The following SNW1 variants were observed in gnomAD, a reference collection of about 807,000 sequenced individuals.
SNW1 encodes SNW domain-containing protein 1.
SNW1 carries 9 observed loss-of-function variants against 75.6 expected under a neutral mutation model. The ratio of observed to expected loss-of-function variants is 0.12; its 90% confidence interval spans 0.07 to 0.21. The LOEUF is 0.21. SNW1 is among the 10% of genes least tolerant of loss of function. The pLI is 1.00. For synonymous variants in SNW1, 200 were observed against 219.1 expected, an observed-to-expected ratio of 0.91 and a Z score of 0.77; for missense variants, 409 against 670.9, an observed-to-expected ratio of 0.61 and a Z score of 4.31.
At chr14:77,721,697 G>A (rs1338831086) in intron 11 of SNW1, among the ~76,000 whole-genome samples, 1 of 152,076 alleles carries the variant, frequency 6.6e-6, no homozygotes, top group African/African-American at 2.4e-5. Flanking sequence ...GATGAAATAT[G>A]CCAATTAATA....
chr14:77,723,340 CGT>C (rs2080558873), intron 10 of SNW1, 63 bp from the exon 11 acceptor site: 1 of 1,211,154 alleles, frequency 8.3e-7, no homozygotes, highest in Non-Finnish European at 1.2e-6. Flanking sequence ...TACGTGTACA[CGT>C]GTGTATATAT....
At position 77,718,519 on chromosome 14, in the gene SNW1, A is replaced by G. The variant is rs774025816; in HGVS notation, c.1260T>C (p.Ser420=). 6.2e-7 allele frequency: 1 copy of G among 1,609,156 alleles called. No homozygotes were observed. The highest frequency in any genetic ancestry group is 8.5e-7 in the Non-Finnish European group (1 of 1,175,948). ...TTTCATCTTCTCCACCTGCAAATCCACTGTCCATACCCTGTGGAAAAATGG... is the reference window on the plus strand; with the variant it reads ...TTTCATCTTCTCCACCTGCAAATCCGCTGTCCATACCCTGTGGAAAAATGG... ...RLFNQSKGMD[S]GFAGGEDEIY... The change falls in exon 13 of 14, where the codon AGT becomes AGC. Residue 420 remains serine, a synonymous_variant. Coordinates refer to ENST00000261531, the MANE Select transcript of SNW1 (RefSeq NM_012245.3).
At chr14:77,742,692 A>G (rs552347990) in intron 3 of SNW1, among the ~76,000 whole-genome samples, 1 of 152,046 alleles carries the variant, frequency 6.6e-6, no homozygotes, top group South Asian at 2.1e-4. Context: ...TTTAGGGGTA[A>G]TACGTTGAAG....
At position 77,718,295 on chromosome 14, in the gene SNW1, A is replaced by C. The variant is rs746445140; in HGVS notation, c.1413-9T>G. The C allele has an allele frequency of 6.2e-7, 1 of 1,614,042 alleles. No individual in the cohort carries two copies. Among genetic ancestry groups the C allele is most frequent in the Admixed American group, 1.7e-5 (1 of 59,988 alleles). On this transcript the variant is annotated splice_polypyrimidine_tract_variant and intron_variant, in intron 13 of 13. Transcript: ENST00000261531. ...CCTTGTCGGGAACAAATCTAAGGAA[A>C]AGGAGAAAAAACTATGAACTACTTT...
At chr14:77,761,065 C>A (rs1381457255) in intron 1 of SNW1, 49 bp downstream of exon 1, 7 of 1,614,140 alleles carry the variant, frequency 4.3e-6, no homozygotes. Flanking sequence ...ATGAAGAAGA[C>A]TGGTACTCCC....
intron 3 of SNW1, 36 bp from the exon 4 acceptor site, chr14:77,739,097 C>G: frequency 3.3e-6 from 5 of 1,519,826 alleles, no homozygotes; most frequent in Non-Finnish European, 4.6e-6. Context: ...TTAAGAAAAG[C>G]AAACAACGAA....
chr14:77,741,755 A>G (rs1460095335), intron 3 of SNW1, among the ~76,000 whole-genome samples: 2 of 152,160 alleles, frequency 1.3e-5, no homozygotes, highest in Non-Finnish European at 1.5e-5. Context: ...AAAAATACCA[A>G]TTCTATGAAG....
At chr14:77,749,571 C>G (rs544803017) in intron 3 of SNW1, among the ~76,000 whole-genome samples, 90 of 151,606 alleles carry the variant, frequency 5.9e-4, no homozygotes, top group African/African-American at 2.1e-3. Context: ...TCAAGACCAT[C>G]CTGGCTAACA....
intron 1 of SNW1, among the ~76,000 whole-genome samples, chr14:77,759,828 A>AT (rs1053755792): frequency 1.4e-5 from 2 of 139,666 alleles, no homozygotes; most frequent in Non-Finnish European, 3.3e-5. Context: ...TTTTAAAAAA[A>AT]TTTCAGATGC....
chr14:77,760,719 A>C lies in SNW1; in HGVS notation c.14+395T>G, dbSNP rs750785482. 1.6e-4 allele frequency: 109 copies of C among 702,442 alleles called. No homozygotes were observed. The African/African-American group carries it at 1.8e-3, about 11-fold the overall frequency. The allele number at this position is 702,442 out of a possible 1,614,324, so 43.5% of individuals were successfully genotyped here. ...GAGACCACCACAGGCAAACGGCCGG[A>C]AAGCCGCGCAGTCGCAGCCCGCGCG... is the stretch of plus-strand genomic sequence containing the variant. On this transcript the variant is annotated intron_variant, in intron 1 of 13. Coordinates refer to ENST00000261531, the MANE Select transcript of SNW1 (RefSeq NM_012245.3).
intron 3 of SNW1, 78 bp from the exon 4 acceptor site, chr14:77,739,139 C>T (rs1244370796): frequency 3.1e-6 from 3 of 970,662 alleles, no homozygotes; most frequent in South Asian, 1.3e-5. Context: ...CAGATGTCAA[C>T]ATGCCCTCTC....
chr14:77,749,116 C>A (rs2080787660), intron 3 of SNW1, among the ~76,000 whole-genome samples: 1 of 152,034 alleles, frequency 6.6e-6, no homozygotes, highest in African/African-American at 2.4e-5. Flanking sequence ...GACCTACAGC[C>A]CAGCAGAGAA....
chr14:77,718,379 A>C lies in SNW1; in HGVS notation c.1400T>G (p.Ile467Arg). 4.3e-6 allele frequency: 7 copies of C among 1,614,166 alleles called. No homozygotes were observed. The highest frequency in any genetic ancestry group is 5.9e-6 in the Non-Finnish European group (7 of 1,180,024). Residue 467 changes from isoleucine to arginine, a missense_variant, in exon 13 of 14, where the codon ATA (isoleucine) becomes AGA (arginine). By Grantham distance (97) the Ile-to-Arg change is moderately conservative. Coordinates refer to ENST00000261531, the MANE Select transcript of SNW1 (RefSeq NM_012245.3). ...DMYGDDLEAR[I>R]KTNRFVPDKE... ...TATGGCTTGGCACCTGTTGGTCTTT[A>C]TTCTGGCTTCTAGGTCATCACCATA...
chr14:77,743,283 AT>A (rs2080733725), intron 3 of SNW1, among the ~76,000 whole-genome samples: 1 of 152,014 alleles, frequency 6.6e-6, no homozygotes, highest in South Asian at 2.1e-4. Context: ...ATTTGGTTGT[AT>A]CAAGATTTAC....
rs760711329 is a variant in SNW1, at chr14:77,738,771, T to A, written c.533+7A>T. The A allele has an allele frequency of 2.2e-5, 35 of 1,609,080 alleles. No individual in the cohort carries two copies. The highest frequency in any genetic ancestry group is 2.5e-5 in the Non-Finnish European group (29 of 1,175,478). ...ATGAAACTAAGTCTTCTAGGCATGA[T>A]TCATACCGGATATACTGAGCAGGAG... On this transcript the variant is annotated splice_region_variant and intron_variant, in intron 5 of 13. Transcript: ENST00000261531.
intron 1 of SNW1, among the ~76,000 whole-genome samples, chr14:77,757,043 G>A (rs891413384): frequency 2.0e-5 from 3 of 152,152 alleles, no homozygotes; most frequent in African/African-American, 7.2e-5. Flanking sequence ...TATTACAAAA[G>A]GATCCTGATG....
chr14:77,749,430 T>C (rs1430272561), intron 3 of SNW1, among the ~76,000 whole-genome samples: 2 of 152,156 alleles, frequency 1.3e-5, no homozygotes, highest in African/African-American at 4.8e-5. Context: ...AGGTGGTAGC[T>C]AGACAGAACA....
chr14:77,736,640 C>A (rs547444429), intron 6 of SNW1, among the ~76,000 whole-genome samples: 1 of 152,116 alleles, frequency 6.6e-6, no homozygotes, highest in Non-Finnish European at 1.5e-5. Context: ...TTAAAGCATA[C>A]GATTTGATTA....
intron 3 of SNW1, among the ~76,000 whole-genome samples, chr14:77,749,117 C>G (rs2080787707): frequency 6.6e-6 from 1 of 152,132 alleles, no homozygotes; most frequent in African/African-American, 2.4e-5. Flanking sequence ...ACCTACAGCC[C>G]AGCAGAGAAT....
Sources: gnomAD v4.1 joint callset for allele counts (sites outside exome capture counted in the v4.1 genomes callset) on GRCh38, gnomAD v4.1.1 for gene constraint, MANE v1.5 for transcripts, NCBI Gene and HGNC (gene_info 2026-07-23, HGNC 2026-07-21) for gene names.